The following SORBS2 variants were observed in gnomAD, a reference collection of about 807,000 sequenced individuals.
The protein encoded by SORBS2 is sorbin and SH3 domain-containing protein 2.
A neutral mutation model predicts 97.7 loss-of-function variants in SORBS2; 46 were observed. The observed-to-expected ratio is 0.47, with a 90% CI of 0.37 to 0.60. The LOEUF (loss-of-function observed/expected upper bound fraction) is 0.60, where lower values mean the gene tolerates loss of function less well. Among genes scored for constraint, SORBS2 ranks in the 20% least tolerant of loss-of-function variants. The probability of loss-of-function intolerance (pLI) is 0.00; values close to 1 mark genes in which losing one functional copy is unlikely to be tolerated. For synonymous variants in SORBS2, 476 were observed against 473.4 expected, an observed-to-expected ratio of 1.01 and a Z score of -0.07; for missense variants, 1,316 against 1,282.3, an observed-to-expected ratio of 1.03 and a Z score of -0.40.
chr4:185,732,371 T>C (rs1480803271), intron 2 of SORBS2, among the ~76,000 whole-genome samples: 1 of 152,172 alleles, frequency 6.6e-6, no homozygotes, highest in Non-Finnish European at 1.5e-5. Flanking sequence ...TCATAGTACT[T>C]AGGAAAAAGT....
intron 12 of SORBS2, among the ~76,000 whole-genome samples, chr4:185,605,856 G>A (rs186544982): frequency 1.2e-3 from 188 of 152,242 alleles, no homozygotes; most frequent in African/African-American, 4.0e-3. Flanking sequence ...AAGTGCTGGC[G>A]TTGCAGGCTC....
intron 1 of SORBS2, among the ~76,000 whole-genome samples, chr4:185,793,755 T>C (rs1044239706): frequency 6.6e-6 from 1 of 152,200 alleles, no homozygotes; most frequent in Admixed American, 6.5e-5. Flanking sequence ...GAGCCAGTTA[T>C]GTGCCAGGCC....
rs2153423653 is a variant in SORBS2, at chr4:185,623,709, C to T, written c.1420G>A (p.Gly474Ser). The T allele has an allele frequency of 6.2e-7, 1 of 1,613,844 alleles. No individual in the cohort carries two copies. Among genetic ancestry groups the T allele is most frequent in the East Asian group, 2.2e-5 (1 of 44,866 alleles). The stretch of plus-strand genomic sequence containing the variant: ...GGCACCAGGGCGTTAGACTGGCAGC[C>T]TCGCCGGCCCCGAGCGGGGGGGCCG... Residue 474 changes from glycine (G) to serine (S), a missense_variant, in exon 7 of 15, where the codon GGC becomes AGC. Gly to Ser is a moderately conservative substitution (Grantham distance 56). Transcript: ENST00000418609. This position sits in a 1 kb window ranked among gnomAD's most constrained non-coding sequence, Gnocchi z 6.4.
chr4:185,680,911 A>G, intron 2 of SORBS2, among the ~76,000 whole-genome samples: 1 of 152,160 alleles, frequency 6.6e-6, no homozygotes, highest in East Asian at 1.9e-4. Flanking sequence ...CAGTCACTCC[A>G]GGCTCAACTG....
At chr4:185,875,969 T>C (rs928467912) in intron 1 of SORBS2, among the ~76,000 whole-genome samples, 1 of 152,256 alleles carries the variant, frequency 6.6e-6, no homozygotes, top group Non-Finnish European at 1.5e-5. Flanking sequence ...CCCTGACTCA[T>C]AGTCATTGTA....
chr4:185,930,052 A>G (rs572979025), intron 1 of SORBS2, among the ~76,000 whole-genome samples: 128 of 152,308 alleles, frequency 8.4e-4, no homozygotes, highest in African/African-American at 2.9e-3. Flanking sequence ...TGCATGGCAC[A>G]CACGAGGGCA....
At chr4:185,809,705 T>C (rs1214856481) in intron 1 of SORBS2, among the ~76,000 whole-genome samples, 5 of 152,192 alleles carry the variant, frequency 3.3e-5, no homozygotes, top group African/African-American at 9.6e-5. Flanking sequence ...GTGTATAGCA[T>C]GTCATCTTAA....
chr4:185,788,093 C>T (rs1479426510), intron 1 of SORBS2, among the ~76,000 whole-genome samples: 1 of 152,228 alleles, frequency 6.6e-6, no homozygotes, highest in Admixed American at 6.5e-5. Context: ...CCGTGAGCAC[C>T]AGGGCTGCTC....
chr4:185,626,801 A>G, intron 6 of SORBS2, 31 bp downstream of exon 18: 1 of 1,608,692 alleles, frequency 6.2e-7, no homozygotes, highest in Non-Finnish European at 8.5e-7. Flanking sequence ...GTAAACTAGT[A>G]AATTGTTGTG....
At chr4:185,853,897 G>C (rs967573779) in intron 1 of SORBS2, among the ~76,000 whole-genome samples, 1 of 152,184 alleles carries the variant, frequency 6.6e-6, no homozygotes, top group Non-Finnish European at 1.5e-5. Context: ...AAAGCTTTCA[G>C]TGAACACCAA....
At chr4:185,789,085 T>G (rs1229113163) in intron 1 of SORBS2, among the ~76,000 whole-genome samples, 3 of 152,214 alleles carry the variant, frequency 2.0e-5, no homozygotes, top group Non-Finnish European at 2.9e-5. Context: ...CAATTATTCT[T>G]TGGGGCGTTT....
intron 2 of SORBS2, 131 bp downstream of exon 11, chr4:185,651,650 GAAA>G (rs1202558832): frequency 3.2e-5 from 22 of 688,210 alleles, no homozygotes; most frequent in Non-Finnish European, 5.0e-5. Context: ...TCTGAGAAAA[GAAA>G]AGAAATCCTC....
intron 12 of SORBS2, among the ~76,000 whole-genome samples, chr4:185,604,249 G>T (rs61539274): frequency 2.0e-5 from 3 of 152,150 alleles, no homozygotes; most frequent in African/African-American, 4.8e-5. Flanking sequence ...ATGTAACTTC[G>T]TAGGTCTTGT....
At chr4:185,890,762 G>A (rs1414174714) in intron 1 of SORBS2, among the ~76,000 whole-genome samples, 2 of 152,184 alleles carry the variant, frequency 1.3e-5, no homozygotes, top group Non-Finnish European at 2.9e-5. Flanking sequence ...TCATCTTGGT[G>A]TCCTCTTCAA....
rs564726703 is a variant in SORBS2, at chr4:185,907,407, G to A, written c.-338+48789C>T. On this transcript the variant is annotated intron_variant, in intron 1 of 20. Transcript: ENST00000284776. ...AAGAAATTTATTTTAGAGCTATGAG[G>A]TAGAAAAAGCTCGGTTCTCCTGAGG... 3.3e-5 allele frequency among the ~76,000 whole-genome samples: 5 copies of A among 152,238 alleles called. No homozygotes were observed. In the South Asian group the frequency reaches 1.0e-3, roughly 32 times the overall value.
intron 2 of SORBS2, among the ~76,000 whole-genome samples, chr4:185,736,539 A>G (rs912386227): frequency 6.6e-6 from 1 of 152,180 alleles, no homozygotes; most frequent in African/African-American, 2.4e-5. Flanking sequence ...GTATACTTTT[A>G]ACAGTCTAAA....
chr4:185,897,849 C>A (rs1038296162), intron 1 of SORBS2, among the ~76,000 whole-genome samples: 2 of 151,718 alleles, frequency 1.3e-5, no homozygotes, highest in African/African-American at 4.8e-5. Flanking sequence ...CCAGCCTGGC[C>A]AACATGGTGA....
chr4:185,676,561 C>T (rs552149287), intron 4 of SORBS2, among the ~76,000 whole-genome samples: 1 of 152,222 alleles, frequency 6.6e-6, no homozygotes, highest in African/African-American at 2.4e-5. Flanking sequence ...CTATTCCCTG[C>T]CAAAGCAAAT....
chr4:185,653,158 T>C (rs1471345867), intron 1 of SORBS2, among the ~76,000 whole-genome samples: 2 of 152,264 alleles, frequency 1.3e-5, no homozygotes, highest in African/African-American at 2.4e-5. Flanking sequence ...AACTGGGGAA[T>C]ATTTTTGACT....
Sources: allele counts gnomAD v4.1 joint callset (sites outside exome capture counted in the v4.1 genomes callset), GRCh38; gene constraint gnomAD v4.1.1; non-coding constraint Gnocchi (gnomAD v3.1); transcripts MANE v1.5; gene names NCBI Gene and HGNC (gene_info 2026-07-23, HGNC 2026-07-21).